MYO19: variants seen among roughly 807,000 people sequenced by gnomAD.
MYO19 encodes the protein myosin XIX.
MYO19 carries 132 observed loss-of-function variants against 129.2 expected under a neutral mutation model. The ratio of observed to expected loss-of-function variants is 1.02; its 90% CI spans 0.89 to 1.18. The LOEUF (loss-of-function observed/expected upper bound fraction) is 1.18. MYO19 is among the 50% of genes most tolerant of loss of function. The pLI is 0.00. For missense variants in MYO19, 1,210 were observed against 1,216.7 expected (o/e 0.99, Z 0.08); for synonymous variants, 531 against 477.2 (o/e 1.11, Z -1.47).
chr17:36,515,613 T>A (rs1248011092), intron 7 of MYO19, among the ~76,000 whole-genome samples: 3 of 152,172 alleles, frequency 2.0e-5, no homozygotes, highest in Non-Finnish European at 2.9e-5. Context: ...AGCCACCAGG[T>A]CTTCTCCAGC....
upstream of MYO19, chr17:36,537,124 A>C: frequency 6.3e-7 from 1 of 1,593,928 alleles, no homozygotes; most frequent in South Asian, 1.1e-5. Flanking sequence ...CAGATGAAGG[A>C]AGCTTTTGTC....
rs181607737 is a variant in MYO19 at position 36,517,636 on chromosome 17, T to C, written c.415-1646A>G. Among the ~76,000 whole-genome samples, 25 of 152,322 alleles carry C rather than the reference T, an allele frequency of 1.6e-4. No individual in the cohort carries two copies. The East Asian group carries it at 2.9e-3, about 18-fold the overall frequency. On this transcript the variant is annotated intron_variant, in intron 6 of 25. Coordinates refer to ENST00000614623, the MANE Select transcript of MYO19 (RefSeq NM_001163735.2). Reference sequence around the variant, plus strand: ...TTCTATTTTATTCATCTTTACTTTTTCCCTTCTTCTGCATACTTTGGGTTT... The same window carrying C: ...TTCTATTTTATTCATCTTTACTTTTCCCCTTCTTCTGCATACTTTGGGTTT...
chr17:36,506,556 A>C lies in MYO19; in HGVS notation c.1697T>G (p.Leu566Arg). 1.9e-6 allele frequency: 3 copies of C among 1,581,362 alleles called. No homozygotes were observed. The highest frequency in any genetic ancestry group is 2.6e-6 in the Non-Finnish European group (3 of 1,167,574). Reference sequence around the variant, plus strand: ...GTTAGTAGGAAACAGCCCCATGAGCAGGGGGTCCTGGGATTGCTGCAGGAG... The same window carrying C: ...GTTAGTAGGAAACAGCCCCATGAGCCGGGGGTCCTGGGATTGCTGCAGGAG... ...TRLLQQSQDP[L>R]LMGLFPTNPK... is the part of the protein sequence containing the mutation. Residue 566 changes from leucine to arginine, a missense_variant, in exon 18 of 26, where the codon CTG (leucine) becomes CGG (arginine). Transcript: ENST00000614623.
At position 36,509,570 on chromosome 17, in the gene MYO19, CT is replaced by C. The variant is rs140003473; in HGVS notation, c.1158-436del. On this transcript the variant is annotated intron_variant, in intron 13 of 25. Transcript: ENST00000614623. ...AGAGCTCAAGGCCCCACCATACCCC[CT>C]GATGTAGTTCTGCACAAGTGGGCCC... The C allele has an allele frequency of 7.8e-3, 1,740 of 223,762 alleles. 30 individuals are homozygous for C. The highest frequency in any genetic ancestry group is 0.037 in the African/African-American group (1,647 of 44,296). 13.9% of individuals were successfully genotyped at this position (223,762 alleles called of 1,614,324 possible). A position where few individuals can be genotyped will look rare whatever the true frequency, so the allele number is the denominator to read the frequency against.
chr17:36,517,288 G>A (rs2072820639), intron 6 of MYO19, among the ~76,000 whole-genome samples: 1 of 152,132 alleles, frequency 6.6e-6, no homozygotes, highest in Non-Finnish European at 1.5e-5. Flanking sequence ...TAGAGGCAAA[G>A]TCTTGCTGTC....
rs1239783431 is a variant in MYO19, at chr17:36,506,593, C to A, written c.1660G>T (p.Glu554Ter). 6.5e-7 allele frequency: 1 copy of A among 1,543,954 alleles called. No individual in the cohort carries two copies. The change falls in exon 18 of 26, where the codon GAG becomes TAG. Residue 554 changes from glutamate (E) to a stop codon, truncating the protein, a stop_gained. Coordinates refer to ENST00000614623, the MANE Select transcript of MYO19 (RefSeq NM_001163735.2). LOFTEE classifies it high-confidence loss of function. ...GATTGCTGCAGGAGCCTGGTCAGCTCAGGTGGGATAGGGTCCTATTGGGAA... is the reference window on the plus strand; with the variant it reads ...GATTGCTGCAGGAGCCTGGTCAGCTAAGGTGGGATAGGGTCCTATTGGGAA... ...VEKNKDPIPP[E>*]LTRLLQQSQD...
In MYO19 at chr17:36,506,616, GA is replaced by G; in HGVS notation, c.1645-9del. On this transcript the variant is annotated splice_polypyrimidine_tract_variant and intron_variant, in intron 17 of 25. Transcript: ENST00000614623. ...CTCAGGTGGGATAGGGTCCTATTGGGAAATGGCAAGAGCAGCAGTGAGGGCA... is the reference window on the plus strand; with the variant it reads ...CTCAGGTGGGATAGGGTCCTATTGGGAATGGCAAGAGCAGCAGTGAGGGCA... The G allele has an allele frequency of 6.6e-7, 1 of 1,520,244 alleles. No homozygotes were observed. The highest frequency in any genetic ancestry group is 8.8e-7 in the Non-Finnish European group (1 of 1,137,976). The allele number at this position is 1,520,244 out of a possible 1,614,324, so 94.2% of individuals were successfully genotyped here.
intron 14 of MYO19, chr17:36,508,134 T>C (rs183703610): frequency 2.3e-6 from 1 of 439,794 alleles, no homozygotes; most frequent in East Asian, 3.5e-5. Flanking sequence ...CATTCCCCTG[T>C]AGAGCTCAGA....
At chr17:36,539,633 GTTATA>G (rs1240083292), upstream of MYO19, among the ~76,000 whole-genome samples, 9 of 151,904 alleles carry the variant, frequency 5.9e-5, no homozygotes, top group South Asian at 2.1e-4. Flanking sequence ...TGAATTGGAT[GTTATA>G]TTATAGCTTA....
intron 2 of MYO19, among the ~76,000 whole-genome samples, chr17:36,540,527 C>A (rs150811340): frequency 6.6e-6 from 1 of 152,024 alleles, no homozygotes. Context: ...CACGCCACTT[C>A]GCCTGGCTAA....
rs67039403 is a variant in MYO19, at chr17:36,499,504, C to CT, written c.2378-345dup. On this transcript the variant is annotated intron_variant, in intron 23 of 25. Coordinates refer to ENST00000614623, the MANE Select transcript of MYO19 (RefSeq NM_001163735.2). ...TCTGGATTGTCTGTGCCTTTAAAAA[C>CT]TTTTTTTTTTGTTTTGTTTTTAATC... Among the ~76,000 whole-genome samples, 11 of 149,490 alleles carry CT rather than the reference C, an allele frequency of 7.4e-5. No individual in the cohort carries two copies. In the East Asian group the frequency reaches 7.9e-4, roughly 11 times the overall value.
chr17:36,532,442 G>A (rs1271214956), intron 3 of MYO19, 85 bp downstream of exon 3: 17 of 1,498,262 alleles, frequency 1.1e-5, no homozygotes, highest in Non-Finnish European at 1.5e-5. Context: ...ACCTTTAAGG[G>A]GGCTTTCCCT....
chr17:36,534,381 T>A (rs1446235562), intron 1 of MYO19, among the ~76,000 whole-genome samples: 1 of 152,060 alleles, frequency 6.6e-6, no homozygotes, highest in African/African-American at 2.4e-5. Context: ...GGAGAGTATG[T>A]CCTTCCCAGG....
chr17:36,508,277 T>A (rs2072062615), intron 14 of MYO19: 1 of 189,618 alleles, frequency 5.3e-6, no homozygotes, highest in Non-Finnish European at 1.1e-5. Context: ...CTGTGTTAAA[T>A]CTAGTTCGGA....
chr17:36,527,421 G>T, intron 5 of MYO19, 130 bp downstream of exon 5: 4 of 1,038,852 alleles, frequency 3.9e-6, no homozygotes, highest in Non-Finnish European at 5.4e-6. Context: ...CTATTGGGCA[G>T]GCCGTGGCAC....
At chr17:36,516,527 C>T (rs1365839501) in intron 6 of MYO19, among the ~76,000 whole-genome samples, 6 of 152,258 alleles carry the variant, frequency 3.9e-5, no homozygotes, top group Middle Eastern at 3.4e-3. Flanking sequence ...CACGCCACCA[C>T]GCCTGGCTAA....
chr17:36,507,938 A>G lies in MYO19; in HGVS notation c.1232-14T>C, dbSNP rs536717526. On this transcript the variant is annotated splice_polypyrimidine_tract_variant and intron_variant, in intron 14 of 25. Transcript: ENST00000614623. ...CATCCAGCAGGCCTGGGAAGATGGC[A>G]GAGAACCCATGGGGCCACTGCAGGG... 2 of 1,589,554 alleles carry G rather than the reference A, an allele frequency of 1.3e-6. No homozygotes were observed. The highest frequency in any genetic ancestry group is 1.7e-6 in the Non-Finnish European group (2 of 1,164,584).
rs374912151 is a variant in MYO19, at chr17:36,527,728, G to A, written c.152-29C>T. ...AGGCAGAGATGCCTTTAGCAAACTC[G>A]GGCTCAAATATAGTCAAACCACACA... On this transcript the variant is annotated intron_variant, in intron 4 of 25. Coordinates refer to ENST00000614623, the MANE Select transcript of MYO19 (RefSeq NM_001163735.2). 33 of 1,596,210 alleles carry A rather than the reference G, an allele frequency of 2.1e-5. No individual in the cohort carries two copies. The Middle Eastern group carries it at 5.0e-4, about 24-fold the overall frequency.
rs750368335 is a variant in MYO19, at chr17:36,498,247, G to A, written c.2757+19C>T. 1 of 1,598,694 alleles carries A rather than the reference G, an allele frequency of 6.3e-7. No homozygotes were observed. Among genetic ancestry groups the A allele is most frequent in the Non-Finnish European group, 8.5e-7 (1 of 1,171,222 alleles). On this transcript the variant is annotated intron_variant, in intron 25 of 25. Coordinates refer to ENST00000614623, the MANE Select transcript of MYO19 (RefSeq NM_001163735.2). ...TGTTCTCAGGAACAAAGCTGTCATG[G>A]CCATCACACACAACGTACCTGAGGC...
Sources: gnomAD v4.1 joint callset for allele counts (sites outside exome capture counted in the v4.1 genomes callset) on GRCh38, gnomAD v4.1.1 for gene constraint, MANE v1.5 for transcripts, NCBI Gene and HGNC (gene_info 2026-07-23, HGNC 2026-07-21) for gene names.